FMO5: variants seen among roughly 807,000 people sequenced by gnomAD.
FMO5 encodes flavin containing dimethylaniline monoxygenase 5, also known as flavin-containing monooxygenase 5.
Under a neutral mutation model 43.6 loss-of-function variants are expected in FMO5, and 51 were observed. That is an observed-to-expected ratio of 1.17 (90% CI 0.93 to 1.48). The LOEUF (loss-of-function observed/expected upper bound fraction) is 1.48. Ranked by LOEUF, FMO5 falls within the 40% of genes most tolerant of loss-of-function variation. The pLI, the probability that FMO5 is intolerant of heterozygous loss-of-function variation, is 0.00. For synonymous variants in FMO5, 187 were observed against 216.5 expected, an observed-to-expected ratio of 0.86 and a Z score of 1.20; for missense variants, 644 against 643.0, an observed-to-expected ratio of 1.00 and a Z score of -0.02.
intron 6 of FMO5, chr1:147,203,377 GC>G: frequency 9.3e-7 from 1 of 1,079,736 alleles, no homozygotes; most frequent in Non-Finnish European, 1.4e-6. Context: ...TACAGTGACT[GC>G]AGCATTAGCA....
chr1:147,191,482 C>T (rs1656795720), intron 7 of FMO5, among the ~76,000 whole-genome samples: 1 of 152,052 alleles, frequency 6.6e-6, no homozygotes, highest in Non-Finnish European at 1.5e-5. Context: ...TAAATGTCTT[C>T]TTTTGAGAAG....
intron 6 of FMO5, chr1:147,204,395 C>A: frequency 1.8e-6 from 2 of 1,103,028 alleles, no homozygotes; most frequent in Non-Finnish European, 2.8e-6. Context: ...ATAAGCTTGG[C>A]CAGAAATACT....
rs145140477 is a variant in FMO5 at position 147,187,065 on chromosome 1, T to C, written c.1437A>G (p.Gly479=). 2.1e-4 allele frequency: 335 copies of C among 1,614,162 alleles called. 2 individuals are homozygous for C. The African/African-American group carries it at 3.7e-3, about 18-fold the overall frequency. The change falls in exon 9 of 9, where the codon GGA becomes GGG. Residue 479 remains glycine (G), a synonymous_variant. Coordinates refer to ENST00000254090, the MANE Select transcript of FMO5 (RefSeq NM_001461.4). ...TPIHYRVQGP[G]KWDGARKAIL... is the part of the protein sequence containing the mutation. Reference sequence around the variant, plus strand: ...TAGCTTTTCGAGCCCCATCCCACTTTCCAGGGCCCTGTACACGATAGTGGA... The same window carrying C: ...TAGCTTTTCGAGCCCCATCCCACTTCCCAGGGCCCTGTACACGATAGTGGA...
chr1:147,220,186 A>G (rs1482066347), intron 2 of FMO5, among the ~76,000 whole-genome samples: 1 of 152,184 alleles, frequency 6.6e-6, no homozygotes, highest in African/African-American at 2.4e-5. Context: ...TGAAATTTTA[A>G]AAACTCCATC....
chr1:147,190,327 T>C, intron 7 of FMO5, 78 bp from the exon 8 acceptor site: 1 of 916,284 alleles, frequency 1.1e-6, no homozygotes. Context: ...TACTATGCTA[T>C]GGAGAATTCA....
At chr1:147,218,773 G>A (rs1553925641) in intron 2 of FMO5, among the ~76,000 whole-genome samples, 1 of 152,106 alleles carries the variant, frequency 6.6e-6, no homozygotes, top group African/African-American at 2.4e-5. Context: ...AAACACTCTA[G>A]GCTCTTGCAC....
At chr1:147,210,724 G>A (rs1461626488) in intron 5 of FMO5, 5 of 152,140 alleles carry the variant, frequency 3.3e-5, no homozygotes, top group African/African-American at 1.2e-4. Context: ...ATTAAGCAGT[G>A]TTTTTGTAAA....
intron 5 of FMO5, chr1:147,211,488 TCAAA>T (rs1366156535): frequency 7.2e-5 from 11 of 152,222 alleles, no homozygotes; most frequent in African/African-American, 1.4e-4. Context: ...GAAGTGTTTT[TCAAA>T]CAAAGTTGCT....
At chr1:147,194,604 G>A (rs1172054421) in intron 7 of FMO5, among the ~76,000 whole-genome samples, 2 of 152,258 alleles carry the variant, frequency 1.3e-5, no homozygotes, top group Middle Eastern at 3.4e-3. Flanking sequence ...TCCTAGCCTT[G>A]ACAGTCTTTA....
intron 7 of FMO5, among the ~76,000 whole-genome samples, chr1:147,193,805 A>C (rs1553919093): frequency 6.6e-6 from 1 of 152,070 alleles, no homozygotes; most frequent in African/African-American, 2.4e-5. Context: ...GTTTCCATGT[A>C]GTTGAGTGGT....
intron 8 of FMO5, among the ~76,000 whole-genome samples, chr1:147,188,522 CAAAAAAAAAAAA>C (rs10552833): frequency 3.3e-5 from 2 of 61,252 alleles, no homozygotes; most frequent in Non-Finnish European, 6.3e-5. Flanking sequence ...GACCCCATAT[CAAAAAAAAAAAA>C]AAAAAAAAAA....
chr1:147,209,310 T>C lies in FMO5; in HGVS notation c.631-259A>G, dbSNP rs782231811. The stretch of plus-strand genomic sequence containing the variant: ...AAAATTAGCCAGGCGTGGTTGCAGG[T>C]GCCTGTAGTCCCAGCTACTCGGGAG... On this transcript the variant is annotated intron_variant, in intron 5 of 8. Transcript: ENST00000254090. Among the ~76,000 whole-genome samples, 108 of 151,894 alleles carry C rather than the reference T, an allele frequency of 7.1e-4. 1 individual carries two copies. The highest frequency in any genetic ancestry group is 1.0e-3 in the Non-Finnish European group (68 of 67,950).
chr1:147,194,504 T>G (rs1657570111), intron 7 of FMO5, among the ~76,000 whole-genome samples: 1 of 152,202 alleles, frequency 6.6e-6, no homozygotes. Flanking sequence ...TTAGCCCATT[T>G]ACATTTAAAG....
At chr1:147,208,027 C>T (rs997036092) in intron 6 of FMO5, among the ~76,000 whole-genome samples, 2 of 152,166 alleles carry the variant, frequency 1.3e-5, no homozygotes, top group Non-Finnish European at 2.9e-5. Context: ...TTTGCATAGA[C>T]CTCCTCACTG....
intron 7 of FMO5, among the ~76,000 whole-genome samples, chr1:147,200,839 G>A (rs1388308751): frequency 6.6e-6 from 1 of 152,072 alleles, no homozygotes; most frequent in Non-Finnish European, 1.5e-5. Flanking sequence ...CTAATTTGGA[G>A]TACACATTGG....
In FMO5 at chr1:147,201,558, C is replaced by T. The variant is rs28381212; in HGVS notation, c.831-54G>A. 2.0e-3 allele frequency: 2,811 copies of T among 1,414,462 alleles called. 55 individuals are homozygous for T. The African/African-American group carries it at 0.034, about 17-fold the overall frequency. 87.6% of individuals were successfully genotyped at this position (1,414,462 alleles called of 1,614,324 possible). A position where few individuals can be genotyped will look rare whatever the true frequency, so the allele number is the denominator to read the frequency against. ...GAAATGAGAGAAAGAGAAATCAGTA[C>T]CACATAAGTAAAATTTTGCTTTGGT... On this transcript the variant is annotated intron_variant, in intron 6 of 8. Transcript: ENST00000254090.
chr1:147,205,029 C>G, intron 6 of FMO5: 2 of 714,050 alleles, frequency 2.8e-6, no homozygotes, highest in Non-Finnish European at 5.0e-6. Flanking sequence ...CATTCAGTCA[C>G]TCTTCCATCT....
intron 2 of FMO5, among the ~76,000 whole-genome samples, chr1:147,222,627 C>A (rs1418134741): frequency 1.3e-5 from 2 of 152,118 alleles, no homozygotes; most frequent in Admixed American, 6.5e-5. Context: ...AGAAATATAA[C>A]GGTGAACCAC....
In FMO5 at chr1:147,204,917, G is replaced by A. The variant is rs587654580; in HGVS notation, c.831-3413C>T. ...ATCTGGGCGAAGCCCGGAGCCTTGG[G>A]AACTTGAAGCGCCATGGCCAGCCTG... is the stretch of plus-strand genomic sequence containing the variant. On this transcript the variant is annotated intron_variant, in intron 6 of 8. Coordinates refer to ENST00000254090, the MANE Select transcript of FMO5 (RefSeq NM_001461.4). 56 of 1,571,528 alleles carry A rather than the reference G, an allele frequency of 3.6e-5. No individual in the cohort carries two copies. In the South Asian group the frequency reaches 6.0e-4, roughly 17 times the overall value.
Sources: gnomAD v4.1 joint callset for allele counts (sites outside exome capture counted in the v4.1 genomes callset) on GRCh38, gnomAD v4.1.1 for gene constraint, MANE v1.5 for transcripts, NCBI Gene and HGNC (gene_info 2026-07-23, HGNC 2026-07-21) for gene names.